The following SYNE2 variants were observed in gnomAD, a reference collection of about 807,000 sequenced individuals.
SYNE2 encodes the protein spectrin repeat containing nuclear envelope protein 2, also known as nesprin-2.
In SYNE2, 431 loss-of-function variants were observed where a neutral mutation model predicts 856.3. The ratio of observed to expected loss-of-function variants is 0.50; its 90% CI spans 0.47 to 0.55. The LOEUF (loss-of-function observed/expected upper bound fraction) is 0.55, where lower values mean the gene tolerates loss of function less well. SYNE2 is among the 20% of genes least tolerant of loss of function. The probability of loss-of-function intolerance (pLI) is 0.00; values close to 1 mark genes in which losing one functional copy is unlikely to be tolerated. For missense variants in SYNE2, 8,129 were observed against 8,023.2 expected (o/e 1.01, Z -0.50); for synonymous variants, 2,923 against 2,872.3 (o/e 1.02, Z -0.56).
intron 101 of SYNE2, chr14:64,209,210 C>T: frequency 2.3e-6 from 2 of 872,900 alleles, no homozygotes; most frequent in Non-Finnish European, 3.5e-6. Flanking sequence ...GGAGGCAGCC[C>T]TGTCTCCTGG....
chr14:64,053,329 A>G lies in SYNE2; in HGVS notation c.9416A>G (p.Asn3139Ser). 2 of 1,611,384 alleles carry G rather than the reference A, an allele frequency of 1.2e-6. No individual in the cohort carries two copies. The highest frequency in any genetic ancestry group is 1.1e-5 in the South Asian group (1 of 89,814). Residue 3139 changes from asparagine (N) to serine (S), a missense_variant, in exon 48 of 116, where the codon AAC becomes AGC. By Grantham distance (46) the Asn-to-Ser change is conservative (BLOSUM62 1). Coordinates refer to ENST00000555002, the MANE Select transcript of SYNE2 (RefSeq NM_182914.3). Reference protein sequence around the residue: ...ENDKLYKVLQNMVLELSPKEL... With the variant: ...ENDKLYKVLQSMVLELSPKEL... The stretch of plus-strand genomic sequence containing the variant: ...GATAAGTTATACAAAGTTCTCCAAA[A>G]CATGGTATTAGAACTCTCACCAAAA...
At chr14:63,878,499 T>G (rs565188834) in intron 1 of SYNE2, among the ~76,000 whole-genome samples, 4 of 152,344 alleles carry the variant, frequency 2.6e-5, no homozygotes, top group Non-Finnish European at 5.9e-5. Flanking sequence ...ATTCTGGTCA[T>G]TTTGTTTCTG....
chr14:64,202,071 C>G, intron 99 of SYNE2: 1 of 653,600 alleles, frequency 1.5e-6, no homozygotes. Context: ...CATGCGTGTG[C>G]TTTCAAATCT....
At chr14:63,976,482 A>G in intron 11 of SYNE2, 81 bp from the exon 12 acceptor site, 1 of 1,460,186 alleles carries the variant, frequency 6.8e-7, no homozygotes. Context: ...AACTTCAAAG[A>G]ATCAAACATA....
Position 64,074,003 on chromosome 14 carries a change from T to C in SYNE2, c.10733T>C (p.Val3578Ala). 6.2e-7 allele frequency: 1 copy of C among 1,614,214 alleles called. No homozygotes were observed. The highest frequency in any genetic ancestry group is 8.5e-7 in the Non-Finnish European group (1 of 1,180,036). The change falls in exon 53 of 116, where the codon GTG becomes GCG. Residue 3578 changes from valine (V) to alanine (A), a missense_variant. This residue lies in a region of SYNE2 where 5,410 missense variants were observed against 5,284.8 expected (regional missense o/e 1.02). Transcript: ENST00000555002. ...LQKVQKNKEL[V>A]QTEIQERHSF... is the part of the protein sequence containing the mutation. ...AAAGTTCAGAAAAATAAAGAATTGG[T>C]GCAGACTGAAATCCAAGAAAGACAT...
At position 64,190,175 on chromosome 14, in the gene SYNE2, C is replaced by T. The variant is rs745980528; in HGVS notation, c.17976C>T (p.Ile5992=). Reference sequence around the variant, plus strand: ...GCAACAAATCAAGAGCAGCTGAGATCGATGACAAGCTCAACAAAATTAACG... The same window carrying T: ...GCAACAAATCAAGAGCAGCTGAGATTGATGACAAGCTCAACAAAATTAACG... The part of the protein sequence containing the change: ...KASNKSRAAE[I]DDKLNKINDR... Residue 5992 remains isoleucine, a synonymous_variant, in exon 99 of 116, where the codon ATC becomes ATT. Transcript: ENST00000555002. The T allele has an allele frequency of 5.1e-5, 83 of 1,613,894 alleles. 1 individual carries two copies. The highest frequency in any genetic ancestry group is 6.7e-5 in the Admixed American group (4 of 59,998).
chr14:64,181,702 A>G (rs1380299736), intron 96 of SYNE2, among the ~76,000 whole-genome samples: 2 of 152,226 alleles, frequency 1.3e-5, no homozygotes, highest in East Asian at 1.9e-4. Flanking sequence ...TTTCCTCCTC[A>G]TAAAATTATA....
chr14:64,011,010 G>C (rs560359076), intron 32 of SYNE2, among the ~76,000 whole-genome samples: 26 of 152,306 alleles, frequency 1.7e-4, no homozygotes, highest in Non-Finnish European at 3.7e-4. Context: ...AATGTAGTTT[G>C]CTTGATATAC....
rs764128650 is a variant in SYNE2 at position 63,954,799 on chromosome 14, G to A, written c.671G>A (p.Arg224Gln). Reference sequence around the variant, plus strand: ...TTTTTGGCCATCATTCATGCCTTGCGACCAGACCTAATTGACATGAAGAGT... The same window carrying A: ...TTTTTGGCCATCATTCATGCCTTGCAACCAGACCTAATTGACATGAAGAGT... ...MAFLAIIHAL[R>Q]PDLIDMKSVK... The change falls in exon 8 of 116, where the codon CGA (arginine) becomes CAA (glutamine). Residue 224 changes from arginine to glutamine, a missense_variant. Arg to Gln is a conservative substitution (Grantham distance 43, BLOSUM62 1). Coordinates refer to ENST00000555002, the MANE Select transcript of SYNE2 (RefSeq NM_182914.3). 4 of 1,613,932 alleles carry A rather than the reference G, an allele frequency of 2.5e-6. No homozygotes were observed. Among genetic ancestry groups the A allele is most frequent in the Admixed American group, 1.7e-5 (1 of 60,004 alleles).
intron 1 of SYNE2, among the ~76,000 whole-genome samples, chr14:63,843,056 C>T (rs990813242): frequency 6.6e-6 from 1 of 151,626 alleles, no homozygotes; most frequent in Non-Finnish European, 1.5e-5. Context: ...GAGATAGGGT[C>T]TCATTCTGTC....
At chr14:63,995,711 A>G (rs539059843) in intron 23 of SYNE2, among the ~76,000 whole-genome samples, 1 of 150,440 alleles carries the variant, frequency 6.6e-6, no homozygotes, top group African/African-American at 2.4e-5. Flanking sequence ...CTCTTGCTTT[A>G]TATAATTCTA....
Position 64,124,221 on chromosome 14 carries a change from T to G in SYNE2, c.13423-858T>G, listed in dbSNP as rs531235443. Among the ~76,000 whole-genome samples the G allele has an allele frequency of 5.8e-4, 88 of 151,826 alleles. 1 individual carries two copies. The South Asian group carries it at 9.8e-3, about 17-fold the overall frequency. Reference sequence around the variant, plus strand: ...ACTCCGTCTCAAAAAAAGAGACGGGTTCTCGCTGTTACCCAGGGTGGAGTG... The same window carrying G: ...ACTCCGTCTCAAAAAAAGAGACGGGGTCTCGCTGTTACCCAGGGTGGAGTG... On this transcript the variant is annotated intron_variant, in intron 70 of 115. Coordinates refer to ENST00000555002, the MANE Select transcript of SYNE2 (RefSeq NM_182914.3).
chr14:64,222,954 C>T (rs2098701803), intron 112 of SYNE2, among the ~76,000 whole-genome samples: 1 of 152,150 alleles, frequency 6.6e-6, no homozygotes, highest in Non-Finnish European at 1.5e-5. Flanking sequence ...TCTCCAGCAT[C>T]ACAATTGTCT....
intron 1 of SYNE2, among the ~76,000 whole-genome samples, chr14:63,865,648 G>A (rs1894995365): frequency 6.8e-6 from 1 of 147,832 alleles, no homozygotes; most frequent in Admixed American, 6.9e-5. Flanking sequence ...GGAGGTGGAA[G>A]TTGCAGTGAG....
chr14:64,173,337 A>G (rs1403834933), intron 94 of SYNE2, among the ~76,000 whole-genome samples: 1 of 152,194 alleles, frequency 6.6e-6, no homozygotes, highest in Non-Finnish European at 1.5e-5. Flanking sequence ...GTCTAATACG[A>G]GTGGCTCATT....
At chr14:64,181,238 T>C (rs2098456632) in intron 96 of SYNE2, among the ~76,000 whole-genome samples, 2 of 152,196 alleles carry the variant, frequency 1.3e-5, no homozygotes, top group South Asian at 4.1e-4. Flanking sequence ...TGATATTTGG[T>C]GGTGATGTGT....
chr14:63,973,613 C>G (rs1194408312), intron 11 of SYNE2, among the ~76,000 whole-genome samples: 4 of 114,852 alleles, frequency 3.5e-5, no homozygotes, highest in Non-Finnish European at 6.5e-5. Context: ...GCCTGGGTAA[C>G]ACACCGAGAG....
intron 21 of SYNE2, among the ~76,000 whole-genome samples, chr14:63,992,446 A>T (rs763352689): frequency 1.5e-4 from 23 of 151,910 alleles, no homozygotes; most frequent in Non-Finnish European, 2.5e-4. Context: ...CAGCTAATTT[A>T]AAAAAATTTT....
At chr14:63,774,127 G>A (rs1447228796) in intron 1 of SYNE2, among the ~76,000 whole-genome samples, 1 of 152,044 alleles carries the variant, frequency 6.6e-6, no homozygotes, top group Non-Finnish European at 1.5e-5. Flanking sequence ...GAGGTCAGGA[G>A]ATCGAGACCA....
Sources: allele counts gnomAD v4.1 joint callset (sites outside exome capture counted in the v4.1 genomes callset), GRCh38; gene constraint gnomAD v4.1.1; regional missense constraint gnomAD v4.1.1; transcripts MANE v1.5; gene names NCBI Gene and HGNC (gene_info 2026-07-23, HGNC 2026-07-21).